The following ULK4 variants were observed in gnomAD, a reference collection of about 807,000 sequenced individuals.
ULK4 encodes unc-51 like kinase 4.
Under a neutral mutation model 160.6 loss-of-function variants are expected in ULK4, and 133 were observed. The observed-to-expected ratio is 0.83, with a 90% CI of 0.72 to 0.96. The LOEUF (loss-of-function observed/expected upper bound fraction) is 0.96, where lower values mean the gene tolerates loss of function less well. Among genes scored for constraint, ULK4 ranks in the 40% least tolerant of loss-of-function variants. ULK4 has a pLI of 0.00. For missense variants in ULK4, 1,580 were observed against 1,499.5 expected (o/e 1.05, Z -0.89); for synonymous variants, 534 against 539.8 (o/e 0.99, Z 0.15).
At chr3:41,470,033 A>AC (rs1337571423) in intron 32 of ULK4, among the ~76,000 whole-genome samples, 2 of 146,204 alleles carry the variant, frequency 1.4e-5, no homozygotes, top group Non-Finnish European at 3.0e-5. Flanking sequence ...AAAAAAAAAA[A>AC]AAAAAAAAAA....
chr3:41,658,735 A>ACACACACACACTCT (rs1553628712), intron 30 of ULK4, among the ~76,000 whole-genome samples: 2,794 of 131,420 alleles, frequency 0.021, 88 homozygotes, highest in African/African-American at 0.076. Context: ...CAGTACACAC[A>ACACACACACACTCT]CACACACACA....
chr3:41,594,541 A>C (rs1222191943), intron 31 of ULK4, among the ~76,000 whole-genome samples: 2 of 152,066 alleles, frequency 1.3e-5, no homozygotes, highest in Non-Finnish European at 2.9e-5. Flanking sequence ...CTATCTCTAA[A>C]AATAAAATAA....
chr3:41,633,744 T>C, intron 30 of ULK4, among the ~76,000 whole-genome samples: 1 of 152,126 alleles, frequency 6.6e-6, no homozygotes, highest in East Asian at 1.9e-4. Context: ...AATGAAGTCA[T>C]ATCAATAGGA....
intron 22 of ULK4, among the ~76,000 whole-genome samples, chr3:41,741,170 G>A (rs999177802): frequency 3.3e-5 from 5 of 151,700 alleles, no homozygotes; most frequent in Admixed American, 2.6e-4. Context: ...AATTATAGGA[G>A]TGAAACATGC....
chr3:41,553,457 A>C (rs1012522548), intron 32 of ULK4, among the ~76,000 whole-genome samples: 3 of 152,156 alleles, frequency 2.0e-5, no homozygotes, highest in Non-Finnish European at 4.4e-5. Flanking sequence ...TCTCAAAAGA[A>C]GACATAAAAC....
chr3:41,536,137 CA>C (rs2086490441), intron 32 of ULK4, among the ~76,000 whole-genome samples: 1 of 152,264 alleles, frequency 6.6e-6, no homozygotes, highest in Admixed American at 6.5e-5. Context: ...CAGTTATCAG[CA>C]AAATCCCTCA....
chr3:41,556,735 C>T (rs568288265), intron 32 of ULK4, among the ~76,000 whole-genome samples: 2 of 152,154 alleles, frequency 1.3e-5, no homozygotes, highest in Non-Finnish European at 2.9e-5. Context: ...AATCCGCCCA[C>T]CTCAGCCTCC....
intron 19 of ULK4, among the ~76,000 whole-genome samples, chr3:41,804,977 G>T (rs1575738910): frequency 6.6e-6 from 1 of 152,102 alleles, no homozygotes; most frequent in African/African-American, 2.4e-5. Flanking sequence ...CTCTTTTTTG[G>T]TTCCATATGA....
chr3:41,816,113 G>T (rs1253922880), intron 19 of ULK4, among the ~76,000 whole-genome samples: 3 of 151,608 alleles, frequency 2.0e-5, no homozygotes, highest in African/African-American at 7.3e-5. Context: ...CACACACACA[G>T]AGTCTTATAT....
chr3:41,559,206 T>G (rs1273298444), intron 32 of ULK4, among the ~76,000 whole-genome samples: 1 of 143,366 alleles, frequency 7.0e-6, no homozygotes, highest in East Asian at 2.0e-4. Context: ...GGACACGAAC[T>G]CATCCTTTTT....
chr3:41,510,413 A>G (rs1207187636), intron 32 of ULK4, among the ~76,000 whole-genome samples: 1 of 152,224 alleles, frequency 6.6e-6, no homozygotes, highest in Non-Finnish European at 1.5e-5. Context: ...TAACAGCACT[A>G]GACAGGTCAT....
intron 17 of ULK4, among the ~76,000 whole-genome samples, chr3:41,843,562 G>C (rs2041988900): frequency 1.3e-5 from 2 of 152,056 alleles, no homozygotes; most frequent in African/African-American, 4.8e-5. Flanking sequence ...AGCTCTTAAG[G>C]CAGTGCTCTG....
intron 30 of ULK4, among the ~76,000 whole-genome samples, chr3:41,651,532 T>C (rs1458189959): frequency 1.3e-5 from 2 of 152,190 alleles, no homozygotes; most frequent in African/African-American, 2.4e-5. Flanking sequence ...CCTCAGTGAA[T>C]ATAACTAGTT....
rs749442377 is a variant in ULK4, at chr3:41,681,782, G to C, written c.2804C>G (p.Pro935Arg). The change falls in exon 28 of 37, where the codon CCC (proline) becomes CGC (arginine). Residue 935 changes from proline (P) to arginine (R), a missense_variant. Physicochemically the swap from Pro to Arg is moderately radical, Grantham distance 103. Coordinates refer to ENST00000301831, the MANE Select transcript of ULK4 (RefSeq NM_017886.4). ...RSTVVDYILP[P>R]LVSLVQSQNV... ...TTGGCTTTGAACCAAGGACACCAAG[G>C]GTGGCAGTATATAGTCAACAACCTA... The C allele has an allele frequency of 6.2e-7, 1 of 1,614,014 alleles. No homozygotes were observed. Among genetic ancestry groups the C allele is most frequent in the South Asian group, 1.1e-5 (1 of 91,076 alleles).
At chr3:41,729,478 G>A (rs146377211) in intron 22 of ULK4, among the ~76,000 whole-genome samples, 8 of 152,214 alleles carry the variant, frequency 5.3e-5, no homozygotes, top group East Asian at 1.9e-4. Context: ...CTGCTAGAGC[G>A]TGTCCTTCCC....
At chr3:41,710,209 TTTAA>T (rs983716222) in intron 25 of ULK4, among the ~76,000 whole-genome samples, 2 of 152,206 alleles carry the variant, frequency 1.3e-5, no homozygotes, top group Non-Finnish European at 2.9e-5. Context: ...ACTTCCCCTA[TTTAA>T]TTTTTTAAAA....
At chr3:41,830,522 A>C (rs1003984981) in intron 18 of ULK4, among the ~76,000 whole-genome samples, 2 of 152,114 alleles carry the variant, frequency 1.3e-5, no homozygotes, top group African/African-American at 4.8e-5. Context: ...TGATGGTTTC[A>C]TAGGTGTATA....
In ULK4 at chr3:41,333,876, GC is replaced by G. The variant is rs571558930; in HGVS notation, c.3678+64202del. Among the ~76,000 whole-genome samples, 10 of 152,246 alleles carry G rather than the reference GC, an allele frequency of 6.6e-5. No individual in the cohort carries two copies. The South Asian group carries it at 2.1e-3, about 32-fold the overall frequency. On this transcript the variant is annotated intron_variant, in intron 35 of 36. Coordinates refer to ENST00000301831, the MANE Select transcript of ULK4 (RefSeq NM_017886.4). ...CTGTGGCTCAACTGACTCCAAAGAA[GC>G]TTGGGCCATGGATTGGTATTGGGGA... is the stretch of plus-strand genomic sequence containing the variant.
intron 31 of ULK4, among the ~76,000 whole-genome samples, chr3:41,604,448 G>A (rs923757946): frequency 1.9e-4 from 29 of 152,078 alleles, no homozygotes; most frequent in African/African-American, 6.8e-4. Context: ...AATGTAGGAA[G>A]CTTATGTGAC....
Sources: allele counts gnomAD v4.1 joint callset (sites outside exome capture counted in the v4.1 genomes callset), GRCh38; gene constraint gnomAD v4.1.1; transcripts MANE v1.5; gene names NCBI Gene and HGNC (gene_info 2026-07-23, HGNC 2026-07-21).